DIS3L2: variants seen among roughly 807,000 people sequenced by gnomAD.
DIS3L2 encodes DIS3-like exonuclease 2.
DIS3L2 carries 34 observed loss-of-function variants against 97.5 expected under a neutral mutation model. The ratio of observed to expected loss-of-function variants is 0.35; its 90% CI spans 0.27 to 0.46. DIS3L2 has a LOEUF of 0.46. Ranked by LOEUF, DIS3L2 falls within the 20% of genes least tolerant of loss-of-function variation. The pLI, the probability that DIS3L2 is intolerant of heterozygous loss-of-function variation, is 1.00. For missense variants in DIS3L2, 1,038 were observed against 1,146.0 expected (o/e 0.91, Z 1.36); for synonymous variants, 435 against 445.2 (o/e 0.98, Z 0.29).
At chr2:232,080,627 A>G (rs980203658) in intron 5 of DIS3L2, among the ~76,000 whole-genome samples, 6 of 151,966 alleles carry the variant, frequency 3.9e-5, no homozygotes. Context: ...AGGGCTGGGC[A>G]TGGTGGCTCA....
intron 5 of DIS3L2, among the ~76,000 whole-genome samples, chr2:232,085,293 A>T (rs1216599559): frequency 6.6e-6 from 1 of 152,048 alleles, no homozygotes; most frequent in Admixed American, 6.6e-5. Flanking sequence ...TCGACTTTTG[A>T]TTGTGTTCAC....
At chr2:232,077,955 C>T (rs865884523) in intron 5 of DIS3L2, among the ~76,000 whole-genome samples, 175 of 108,808 alleles carry the variant, frequency 1.6e-3, no homozygotes, top group South Asian at 5.6e-3. Flanking sequence ...TTCTTTCTTT[C>T]TCTTTCTTTC....
In DIS3L2 at chr2:232,015,600, AAG is replaced by A; in HGVS notation, c.142_143del (p.Ser48HisfsTer3). 6.2e-7 allele frequency: 1 copy of A among 1,614,108 alleles called. No individual in the cohort carries two copies. Among genetic ancestry groups the A allele is most frequent in the Non-Finnish European group, 8.5e-7 (1 of 1,179,976 alleles). The part of the protein sequence containing the change: ...SKNRSTRGKK[K>X]SIFETYMSKE... ...GAACAGGTCCACACGAGGGAAGAAA[AAG>A]AGCATATTTGAAACTTACATGTCCA... On this transcript the variant is annotated frameshift_variant, in exon 3 of 21. Coordinates refer to ENST00000325385, the MANE Select transcript of DIS3L2 (RefSeq NM_152383.5). LOFTEE classifies it high-confidence loss of function.
At chr2:232,322,038 G>A (rs1054416990) in intron 14 of DIS3L2, among the ~76,000 whole-genome samples, 1 of 152,198 alleles carries the variant, frequency 6.6e-6, no homozygotes, top group Non-Finnish European at 1.5e-5. Flanking sequence ...CAGAGGGGAG[G>A]AGGCGCCCTT....
At chr2:231,986,399 A>G (rs1435826642) in intron 1 of DIS3L2, among the ~76,000 whole-genome samples, 1 of 152,210 alleles carries the variant, frequency 6.6e-6, no homozygotes, top group African/African-American at 2.4e-5. Context: ...CTTTTGATAT[A>G]GCTTTTATCA....
rs1029750263 is a variant in DIS3L2 at position 231,971,735 on chromosome 2, C to T, written c.-94+9970C>T. Among the ~76,000 whole-genome samples the T allele has an allele frequency of 4.6e-5, 7 of 151,934 alleles. No homozygotes were observed. The East Asian group carries it at 7.9e-4, about 17-fold the overall frequency. On this transcript the variant is annotated intron_variant, in intron 1 of 20. Coordinates refer to ENST00000325385, the MANE Select transcript of DIS3L2 (RefSeq NM_152383.5). ...TGCTGGGATTACAGGCGTGAGCCAC[C>T]GCACCCTGCCCAGTTTTTGTATTTT...
intron 9 of DIS3L2, among the ~76,000 whole-genome samples, chr2:232,189,910 A>G (rs2106194511): frequency 6.6e-6 from 1 of 152,382 alleles, no homozygotes; most frequent in South Asian, 2.1e-4. Context: ...AAAAATTTAA[A>G]AGGAACCAGA....
intron 6 of DIS3L2, among the ~76,000 whole-genome samples, chr2:232,108,572 GAAAT>G (rs1443818112): frequency 1.3e-5 from 2 of 152,196 alleles, no homozygotes; most frequent in South Asian, 2.1e-4. Context: ...GCAAGAGAAA[GAAAT>G]AAAGGTATTT....
chr2:232,158,922 T>C (rs1690574752), intron 8 of DIS3L2, among the ~76,000 whole-genome samples: 1 of 152,160 alleles, frequency 6.6e-6, no homozygotes, highest in Non-Finnish European at 1.5e-5. Flanking sequence ...AACATTGTTA[T>C]AAGTATTCGT....
intron 9 of DIS3L2, among the ~76,000 whole-genome samples, chr2:232,206,477 G>A (rs925190213): frequency 9.8e-5 from 15 of 152,306 alleles, no homozygotes; most frequent in African/African-American, 2.2e-4. Context: ...TTATTTGTGC[G>A]TAGTGCAATT....
chr2:232,044,743 C>G (rs1184061435), intron 5 of DIS3L2, among the ~76,000 whole-genome samples: 1 of 152,026 alleles, frequency 6.6e-6, no homozygotes, highest in Non-Finnish European at 1.5e-5. Flanking sequence ...AATACCAAAA[C>G]TTAATGGGTA....
chr2:232,031,324 A>G (rs752412853), intron 5 of DIS3L2, among the ~76,000 whole-genome samples: 17 of 152,140 alleles, frequency 1.1e-4, no homozygotes, highest in Non-Finnish European at 1.0e-4. Flanking sequence ...TTATAGCTAT[A>G]TGCCAGGTAT....
chr2:232,033,141 G>A (rs1694857284), intron 5 of DIS3L2, among the ~76,000 whole-genome samples: 1 of 150,928 alleles, frequency 6.6e-6, no homozygotes, highest in African/African-American at 2.4e-5. Context: ...TTCCATTTGT[G>A]TCCTCTCTTT....
At chr2:232,231,332 G>A (rs889767223) in intron 10 of DIS3L2, among the ~76,000 whole-genome samples, 3 of 152,148 alleles carry the variant, frequency 2.0e-5, no homozygotes, top group African/African-American at 7.2e-5. Flanking sequence ...TGGTTGTTTA[G>A]CCTGAAGCAG....
rs547360986 is a variant in DIS3L2, at chr2:232,079,820, C to T, written c.367-7667C>T. Among the ~76,000 whole-genome samples the T allele has an allele frequency of 1.1e-4, 16 of 152,080 alleles. No individual in the cohort carries two copies. The South Asian group carries it at 3.3e-3, about 32-fold the overall frequency. On this transcript the variant is annotated intron_variant, in intron 5 of 20. Transcript: ENST00000325385. ...GATAGAAGGATAGCAAGTGAAAAAGCCCTAAGATGGAAGGTTGTAGTATTC... is the reference window on the plus strand; with the variant it reads ...GATAGAAGGATAGCAAGTGAAAAAGTCCTAAGATGGAAGGTTGTAGTATTC...
Position 232,334,743 on chromosome 2 carries a change from C to G in DIS3L2, c.2394+8C>G. On this transcript the variant is annotated splice_region_variant and intron_variant, in intron 19 of 20. Transcript: ENST00000325385. ...AAGCGCATCTACTGCAACGTGAGTG[C>G]CCTGGGAGAGCCCGGGGGCGGGCAG... The G allele has an allele frequency of 6.3e-7, 1 of 1,597,848 alleles. No homozygotes were observed. The highest frequency in any genetic ancestry group is 1.1e-5 in the South Asian group (1 of 88,830).
intron 5 of DIS3L2, among the ~76,000 whole-genome samples, chr2:232,045,939 T>G (rs1335973167): frequency 6.6e-6 from 1 of 152,078 alleles, no homozygotes; most frequent in Non-Finnish European, 1.5e-5. Context: ...CCTCCCAAAG[T>G]GCTGGGATTA....
chr2:232,174,585 C>CAA (rs60698530), intron 9 of DIS3L2, among the ~76,000 whole-genome samples: 26 of 83,884 alleles, frequency 3.1e-4, no homozygotes, highest in African/African-American at 6.4e-4. Flanking sequence ...GACTCCACCT[C>CAA]AAAAAAAAAA....
At chr2:232,156,239 T>A (rs1427795917) in intron 8 of DIS3L2, among the ~76,000 whole-genome samples, 1 of 152,210 alleles carries the variant, frequency 6.6e-6, no homozygotes, top group African/African-American at 2.4e-5. Flanking sequence ...AGTATGACTT[T>A]CACTTTCTGT....
Sources: allele counts gnomAD v4.1 joint callset (sites outside exome capture counted in the v4.1 genomes callset), GRCh38; gene constraint gnomAD v4.1.1; transcripts MANE v1.5; gene names NCBI Gene and HGNC (gene_info 2026-07-23, HGNC 2026-07-21).